Variants in EPM2A observed in about 807,000 individuals in gnomAD.
EPM2A encodes the protein laforin.
EPM2A carries 21 observed loss-of-function variants against 26.5 expected under a neutral mutation model. That is an observed-to-expected ratio of 0.79 (90% CI 0.56 to 1.14). The LOEUF is 1.14. Ranked by LOEUF, EPM2A falls within the 50% of genes most tolerant of loss-of-function variation. The probability of loss-of-function intolerance (pLI) is 0.00; values close to 1 mark genes in which losing one functional copy is unlikely to be tolerated. For missense variants in EPM2A, 458 were observed against 440.8 expected (o/e 1.04, Z -0.35); for synonymous variants, 217 against 177.6 (o/e 1.22, Z -1.76).
At chr6:145,417,045 G>A (rs952467479) in intron 4 of EPM2A, among the ~76,000 whole-genome samples, 10 of 152,160 alleles carry the variant, frequency 6.6e-5, no homozygotes, top group African/African-American at 2.2e-4. Flanking sequence ...TCATAGCTAA[G>A]CAGACCCAGC....
chr6:145,502,803 T>G (rs758647198), intron 2 of EPM2A, among the ~76,000 whole-genome samples: 6 of 152,230 alleles, frequency 3.9e-5, no homozygotes, highest in Non-Finnish European at 8.8e-5. Context: ...ACAAACTGGA[T>G]GTACAAATCA....
intron 2 of EPM2A, among the ~76,000 whole-genome samples, chr6:145,554,162 C>A (rs1378229461): frequency 6.6e-6 from 1 of 151,858 alleles, no homozygotes; most frequent in African/African-American, 2.4e-5. Flanking sequence ...CTTGAGTTTA[C>A]AGCTGAGTAG....
At chr6:145,717,734 A>C (rs2128636081) in intron 1 of EPM2A, among the ~76,000 whole-genome samples, 1 of 149,610 alleles carries the variant, frequency 6.7e-6, no homozygotes, top group South Asian at 2.1e-4. Context: ...GTCTCAGCCC[A>C]AAATCTCCTT....
chr6:145,499,237 T>G (rs1165659302), downstream of EPM2A, among the ~76,000 whole-genome samples: 1 of 152,192 alleles, frequency 6.6e-6, no homozygotes, highest in African/African-American at 2.4e-5. Context: ...ACATCTACCT[T>G]ATTTCTCATC....
chr6:145,686,221 A>G lies in EPM2A; in HGVS notation c.377T>C (p.Ile126Thr), dbSNP rs1243457783. Residue 126 changes from isoleucine (I) to threonine (T), a missense_variant, in exon 2 of 4, where the codon ATA becomes ACA. Transcript: ENST00000367519. ...CCCAGTGGCCTCAATCCAGTGTCCT[A>G]TTGGGAGACAATACACACCATCCAC... is the stretch of plus-strand genomic sequence containing the variant. ...NLVDGVYCLPIGHWIEATGHT... is the reference protein window; with the variant it reads ...NLVDGVYCLPTGHWIEATGHT... 1 of 1,613,628 alleles carries G rather than the reference A, an allele frequency of 6.2e-7. No individual in the cohort carries two copies. The highest frequency in any genetic ancestry group is 8.5e-7 in the Non-Finnish European group (1 of 1,179,684).
chr6:145,412,252 A>G (rs572914515), intron 4 of EPM2A, among the ~76,000 whole-genome samples: 1 of 152,150 alleles, frequency 6.6e-6, no homozygotes, highest in South Asian at 2.1e-4. Flanking sequence ...CATCTTGACA[A>G]TGCTGGCATA....
At chr6:145,473,317 A>G (rs1471876529) in intron 4 of EPM2A, among the ~76,000 whole-genome samples, 1 of 151,998 alleles carries the variant, frequency 6.6e-6, no homozygotes, top group Non-Finnish European at 1.5e-5. Flanking sequence ...CAGAAGAAAA[A>G]AAAAATAGTG....
chr6:145,484,105 C>A (rs1256549067), intron 4 of EPM2A, among the ~76,000 whole-genome samples: 1 of 152,056 alleles, frequency 6.6e-6, no homozygotes, highest in Non-Finnish European at 1.5e-5. Flanking sequence ...AGTATCATGT[C>A]CCTGATCAGA....
chr6:145,724,916 C>G (rs1342151907), intron 1 of EPM2A, among the ~76,000 whole-genome samples: 1 of 151,686 alleles, frequency 6.6e-6, no homozygotes, highest in Non-Finnish European at 1.5e-5. Context: ...AACTAGACGC[C>G]CTTGGATTTG....
At chr6:145,695,914 T>C (rs1337146255) in intron 1 of EPM2A, among the ~76,000 whole-genome samples, 1 of 152,026 alleles carries the variant, frequency 6.6e-6, no homozygotes, top group Non-Finnish European at 1.5e-5. Flanking sequence ...AAGGAAACAT[T>C]GGACTTTAAT....
intron 4 of EPM2A, among the ~76,000 whole-genome samples, chr6:145,473,449 G>C (rs1779501838): frequency 6.6e-6 from 1 of 152,006 alleles, no homozygotes; most frequent in Admixed American, 6.6e-5. Flanking sequence ...AAGAGTTATT[G>C]ACCATATATA....
intron 2 of EPM2A, chr6:145,637,751 C>A (rs1339824338): frequency 6.6e-6 from 1 of 152,208 alleles, no homozygotes; most frequent in Non-Finnish European, 1.5e-5. Context: ...TCATCAGGAC[C>A]TGGATAGCTG....
intron 2 of EPM2A, among the ~76,000 whole-genome samples, chr6:145,553,068 G>T (rs1780677298): frequency 1.3e-5 from 2 of 152,040 alleles, no homozygotes; most frequent in Admixed American, 1.3e-4. Flanking sequence ...GGAGGTAATT[G>T]AATCATGAGG....
chr6:145,655,947 G>C (rs2128582661), intron 2 of EPM2A, among the ~76,000 whole-genome samples: 1 of 152,190 alleles, frequency 6.6e-6, no homozygotes, highest in East Asian at 1.9e-4. Flanking sequence ...TTCTATTACT[G>C]GATATCTTCA....
chr6:145,558,473 G>T (rs1780760880), intron 2 of EPM2A, among the ~76,000 whole-genome samples: 1 of 151,982 alleles, frequency 6.6e-6, no homozygotes, highest in South Asian at 2.1e-4. Context: ...TTATATGGTA[G>T]TTCTATTTTT....
At chr6:145,563,376 G>A (rs1214367800) in intron 2 of EPM2A, among the ~76,000 whole-genome samples, 1 of 151,898 alleles carries the variant, frequency 6.6e-6, no homozygotes, top group South Asian at 2.1e-4. Context: ...AGGAATGCAC[G>A]CAAAAGCCCA....
chr6:145,693,074 C>A (rs1293187227), intron 1 of EPM2A, among the ~76,000 whole-genome samples: 1 of 151,978 alleles, frequency 6.6e-6, no homozygotes, highest in Non-Finnish European at 1.5e-5. Context: ...GTGTTTGTGT[C>A]ATCCCTGACT....
At chr6:145,718,569 C>G (rs1739030409) in intron 1 of EPM2A, among the ~76,000 whole-genome samples, 1 of 152,164 alleles carries the variant, frequency 6.6e-6, no homozygotes, top group Admixed American at 6.5e-5. Context: ...GCAAGGACTT[C>G]ATCTCTAAAA....
chr6:145,570,558 A>G (rs1330672412), intron 2 of EPM2A, among the ~76,000 whole-genome samples: 3 of 152,238 alleles, frequency 2.0e-5, no homozygotes, highest in African/African-American at 7.2e-5. Flanking sequence ...TACTCATGAC[A>G]GTTACAGTCC....
Sources: allele counts gnomAD v4.1 joint callset (sites outside exome capture counted in the v4.1 genomes callset), GRCh38; gene constraint gnomAD v4.1.1; transcripts MANE v1.5; gene names NCBI Gene and HGNC (gene_info 2026-07-23, HGNC 2026-07-21).